The following USP28 variants were observed in gnomAD, a reference collection of about 807,000 sequenced individuals.
USP28 encodes ubiquitin specific peptidase 28.
USP28 carries 113 observed loss-of-function variants against 145.0 expected under a neutral mutation model. The observed-to-expected ratio is 0.78, with a 90% CI of 0.67 to 0.91. The LOEUF is 0.91. Ranked by LOEUF, USP28 falls within the 40% of genes least tolerant of loss-of-function variation. USP28 has a pLI of 0.00. For synonymous variants in USP28, 447 were observed against 450.9 expected (o/e 0.99, Z 0.11); for missense variants, 1,201 against 1,289.6 (o/e 0.93, Z 1.05).
intron 9 of USP28, 105 bp downstream of exon 9, chr11:113,830,762 T>C (rs1481684172): frequency 3.9e-6 from 4 of 1,017,192 alleles, no homozygotes; most frequent in Non-Finnish European, 5.9e-6. Flanking sequence ...CAGAGCTGAG[T>C]ACTGCTGACT....
At chr11:113,845,025 TGGGA>T (rs893093552) in intron 3 of USP28, among the ~76,000 whole-genome samples, 4 of 148,328 alleles carry the variant, frequency 2.7e-5, no homozygotes, top group African/African-American at 1.0e-4. Context: ...GAGGCTGAGG[TGGGA>T]GGATCACTTG....
chr11:113,835,487 A>G (rs907893028), intron 5 of USP28, among the ~76,000 whole-genome samples: 4 of 152,176 alleles, frequency 2.6e-5, no homozygotes, highest in African/African-American at 9.7e-5. Flanking sequence ...TCACTCTAAC[A>G]CAAGCCCTGG....
At chr11:113,820,642 G>C (rs990737828) in intron 12 of USP28, among the ~76,000 whole-genome samples, 4 of 152,208 alleles carry the variant, frequency 2.6e-5, no homozygotes, top group Admixed American at 2.0e-4. Context: ...TGACATGGAG[G>C]CGCCCTCCTT....
chr11:113,809,226 C>T lies in USP28; in HGVS notation c.2001G>A (p.Met667Ile), dbSNP rs1940556508. Residue 667 changes from methionine (M) to isoleucine (I), a missense_variant, in exon 17 of 25, where the codon ATG becomes ATA. Met to Ile is a conservative substitution (Grantham distance 10, BLOSUM62 1). Coordinates refer to ENST00000003302, the Ensembl canonical transcript of USP28. ...CCACAGATAGGGCTTCCACTTCTGA[C>T]ATTTGATCTGATTCAGTTGGGGCTG... 3 of 1,614,108 alleles carry T rather than the reference C, an allele frequency of 1.9e-6. No individual in the cohort carries two copies. Among genetic ancestry groups the T allele is most frequent in the Middle Eastern group, 1.7e-4 (1 of 6,060 alleles).
intron 21 of USP28, 51 bp downstream of exon 22, chr11:113,804,622 T>C (rs755469469): frequency 1.3e-6 from 2 of 1,541,180 alleles, no homozygotes; most frequent in African/African-American, 1.4e-5. Context: ...AGGTACCATT[T>C]ACCTCAGGAA....
intron 24 of USP28, 29 bp downstream of exon 25, chr11:113,801,454 C>A: frequency 6.7e-7 from 1 of 1,493,804 alleles, no homozygotes; most frequent in Non-Finnish European, 9.0e-7. Context: ...TTCTCAAAAC[C>A]TCAGAATATT....
chr11:113,818,387 G>A (rs2005667), intron 12 of USP28, among the ~76,000 whole-genome samples: 13,399 of 151,980 alleles, frequency 0.088, 698 homozygotes, highest in Non-Finnish European at 0.11. Context: ...TCCTGACTTC[G>A]TGATCCACCC....
chr11:113,839,546 T>C (rs1035813966), intron 5 of USP28, among the ~76,000 whole-genome samples: 19 of 151,808 alleles, frequency 1.3e-4, no homozygotes, highest in Admixed American at 2.6e-4. Context: ...GATTGCGCCA[T>C]CTTGTCTCAA....
intron 19 of USP28, among the ~76,000 whole-genome samples, chr11:113,805,492 G>C (rs1460082159): frequency 6.6e-6 from 1 of 152,112 alleles, no homozygotes; most frequent in Non-Finnish European, 1.5e-5. Flanking sequence ...CTGAGCTCAA[G>C]CAATCCACCC....
intron 7 of USP28, 137 bp from the exon 8 acceptor site, chr11:113,832,130 G>A: frequency 1.3e-6 from 1 of 779,992 alleles, no homozygotes; most frequent in South Asian, 1.8e-5. Flanking sequence ...TTTGTTTTGA[G>A]ACAGGGTCTC....
At chr11:113,860,442 CA>C (rs4020501) in intron 1 of USP28, among the ~76,000 whole-genome samples, 70,635 of 134,550 alleles carry the variant, frequency 0.52, 18,242 homozygotes, top group South Asian at 0.61. Context: ...CCAAGGGAAG[CA>C]AAAAAAAAAA....
exon 18 of USP28, chr11:113,808,323 C>T: frequency 1.9e-6 from 3 of 1,613,772 alleles, no homozygotes; most frequent in Middle Eastern, 1.6e-4. Context: ...TTCTACACCG[C>T]TCTTCTCATA....
intron 1 of USP28, among the ~76,000 whole-genome samples, chr11:113,857,861 TC>T (rs1373159937): frequency 6.6e-6 from 1 of 152,090 alleles, no homozygotes; most frequent in Admixed American, 6.6e-5. Flanking sequence ...ATAAACTCTT[TC>T]GTTTCCTTTT....
intron 12 of USP28, chr11:113,821,497 C>T (rs376041209): frequency 9.4e-6 from 2 of 212,768 alleles, no homozygotes; most frequent in Admixed American, 4.5e-5. Context: ...GGGAGTGGGT[C>T]GGGTGGCTGT....
chr11:113,848,646 G>C (rs1169605508), intron 3 of USP28, among the ~76,000 whole-genome samples: 2 of 152,218 alleles, frequency 1.3e-5, no homozygotes, highest in Non-Finnish European at 2.9e-5. Context: ...ATCTGAAGCT[G>C]CTTCAATGTG....
At chr11:113,810,737 C>T (rs376352019) in intron 16 of USP28, among the ~76,000 whole-genome samples, 1 of 152,332 alleles carries the variant, frequency 6.6e-6, no homozygotes, top group Non-Finnish European at 1.5e-5. Context: ...TGCAGTGGCA[C>T]GATCTCAGCT....
chr11:113,801,693 T>A lies in USP28; in HGVS notation c.2863-15A>T. 1 of 1,545,744 alleles carries A rather than the reference T, an allele frequency of 6.5e-7. No individual in the cohort carries two copies. Among genetic ancestry groups the A allele is most frequent in the East Asian group, 2.3e-5 (1 of 43,920 alleles). The stretch of plus-strand genomic sequence containing the variant: ...GCATTCAGCTCCTACAGATAAAAGG[T>A]AGAATTAGGTGGGGAAGAGTCTGAA... On this transcript the variant is annotated splice_polypyrimidine_tract_variant and intron_variant, in intron 23 of 24. Transcript: ENST00000003302.
intron 1 of USP28, among the ~76,000 whole-genome samples, chr11:113,860,854 C>G (rs1947603260): frequency 6.6e-6 from 1 of 151,596 alleles, no homozygotes; most frequent in South Asian, 2.1e-4. Context: ...CTTGGTGGCT[C>G]ATGCCTGTAA....
intron 1 of USP28, among the ~76,000 whole-genome samples, chr11:113,866,047 G>A (rs1356603021): frequency 6.6e-6 from 1 of 152,132 alleles, no homozygotes; most frequent in African/African-American, 2.4e-5. Flanking sequence ...CCTGTAATCC[G>A]AGCACTCCGG....
Sources: gnomAD v4.1 joint callset for allele counts (sites outside exome capture counted in the v4.1 genomes callset) on GRCh38, gnomAD v4.1.1 for gene constraint, MANE v1.5 for transcripts, NCBI Gene and HGNC (gene_info 2026-07-23, HGNC 2026-07-21) for gene names.